The following CPA5 variants were observed in gnomAD, a reference collection of about 807,000 sequenced individuals.
CPA5 encodes testicular tissue protein Li 32.
In CPA5, 38 loss-of-function variants were observed where a neutral mutation model predicts 52.2. The ratio of observed to expected loss-of-function variants is 0.73; its 90% CI spans 0.56 to 0.95. The LOEUF is 0.95. Among genes scored for constraint, CPA5 ranks in the 40% least tolerant of loss-of-function variants. The pLI, the probability that CPA5 is intolerant of heterozygous loss-of-function variation, is 0.00. For synonymous variants in CPA5, 198 were observed against 213.7 expected (o/e 0.93, Z 0.64); for missense variants, 519 against 566.7 (o/e 0.92, Z 0.86).
intron 8 of CPA5, 112 bp from the exon 9 acceptor site, chr7:130,362,772 C>T (rs1330338403): frequency 1.4e-6 from 1 of 697,636 alleles, no homozygotes; most frequent in African/African-American, 1.8e-5. Flanking sequence ...AAAAGATATA[C>T]CTCAGGGGTT....
At position 130,367,535 on chromosome 7, in the gene CPA5, C is replaced by A. The variant is rs781804451; in HGVS notation, c.1002C>A (p.Gly334=). 6.2e-7 allele frequency: 1 copy of A among 1,614,090 alleles called. No homozygotes were observed. Residue 334 remains glycine (G), a synonymous_variant, in exon 11 of 13, where the codon GGC becomes GGA. Transcript: ENST00000474905. ...CTCAGATGCTTATGTACCCTTACGG[C>A]CGATTGCTGGAGCCCGTTTCAAATC... ...SYSQMLMYPY[G]RLLEPVSNQR...
chr7:130,349,300 G>T (rs1381925058), intron 4 of CPA5, among the ~76,000 whole-genome samples: 1 of 152,052 alleles, frequency 6.6e-6, no homozygotes, highest in Non-Finnish European at 1.5e-5. Flanking sequence ...TGGGTGTGGT[G>T]GCGTGCACCT....
At chr7:130,371,892 G>T (rs1405942151), downstream of CPA5, among the ~76,000 whole-genome samples, 7 of 152,148 alleles carry the variant, frequency 4.6e-5, no homozygotes, top group Admixed American at 3.9e-4. Context: ...CCAAGGTGCT[G>T]CCCAGTGGCC....
chr7:130,360,194 G>T (rs946322046), intron 6 of CPA5, among the ~76,000 whole-genome samples: 2 of 152,234 alleles, frequency 1.3e-5, no homozygotes, highest in Non-Finnish European at 2.9e-5. Context: ...GCCACATTTT[G>T]TGTTTCTTTC....
At chr7:130,369,171 C>T (rs1034683049), downstream of CPA5, among the ~76,000 whole-genome samples, 1 of 151,936 alleles carries the variant, frequency 6.6e-6, no homozygotes, top group Non-Finnish European at 1.5e-5. Flanking sequence ...ACCTGCTCCC[C>T]CCGAGGTGTC....
chr7:130,362,403 C>A, intron 7 of CPA5, 35 bp from the exon 8 acceptor site: 2 of 1,528,728 alleles, frequency 1.3e-6, no homozygotes, highest in South Asian at 1.1e-5. Flanking sequence ...TGTCTGAGTT[C>A]AAACCTCGGT....
At position 130,368,432 on chromosome 7, in the gene CPA5, C is replaced by T. The variant is rs781856122; in HGVS notation, c.1146C>T (p.Val382=). The T allele has an allele frequency of 1.1e-5, 18 of 1,613,950 alleles. No individual in the cohort carries two copies. Among genetic ancestry groups the T allele is most frequent in the African/African-American group, 8.0e-5 (6 of 74,904 alleles). The change falls in exon 13 of 13, where the codon GTC becomes GTT. Residue 382 remains valine, a synonymous_variant. Transcript: ENST00000474905. Reference sequence around the variant, plus strand: ...TAGATGTGGCCAGTGGGATCACCGTCGACTGGGCCTATGACAGTGGCATCA... The same window carrying T: ...TAGATGTGGCCAGTGGGATCACCGTTGACTGGGCCTATGACAGTGGCATCA... ...TTLYVASGIT[V]DWAYDSGIKY...
At chr7:130,359,116 G>A (rs1206468164) in intron 5 of CPA5, among the ~76,000 whole-genome samples, 4 of 152,188 alleles carry the variant, frequency 2.6e-5, no homozygotes, top group African/African-American at 9.7e-5. Context: ...GGGGGTCAGT[G>A]CACATGGTTC....
At chr7:130,353,039 G>C (rs1455423485) in intron 5 of CPA5, among the ~76,000 whole-genome samples, 1 of 152,006 alleles carries the variant, frequency 6.6e-6, no homozygotes, top group Non-Finnish European at 1.5e-5. Flanking sequence ...GAATACAATT[G>C]AGTGTAAATA....
rs566476492 is a variant in CPA5, at chr7:130,358,702, G to A, written c.334-887G>A. ...TCTGTGCTGAATCCTGGGGTGCCTT[G>A]GCTCCTGGATGCCATTATAAGGGCA... On this transcript the variant is annotated intron_variant, in intron 5 of 12. Transcript: ENST00000474905. 1.3e-3 allele frequency among the ~76,000 whole-genome samples: 199 copies of A among 152,266 alleles called. 1 individual carries two copies. The highest frequency in any genetic ancestry group is 4.6e-3 in the African/African-American group (190 of 41,552).
At chr7:130,353,080 A>G (rs1330702271) in intron 5 of CPA5, among the ~76,000 whole-genome samples, 1 of 151,992 alleles carries the variant, frequency 6.6e-6, no homozygotes, top group Non-Finnish European at 1.5e-5. Context: ...GCCCTAGTGG[A>G]TCACTCTCAT....
Position 130,347,771 on chromosome 7 carries a change from A to G in CPA5, c.122A>G (p.Gln41Arg). ...CCCTCCCTGTGTTTTTCTAGGGACC[A>G]GGTTCTTCGAGTCCTGGCCAAAGAT... ...ALGQMNFTGD[Q>R]VLRVLAKDEK... The change falls in exon 4 of 13, where the codon CAG becomes CGG. Residue 41 changes from glutamine (Q) to arginine (R), a missense_variant. Gln to Arg is a conservative substitution (Grantham distance 43). Transcript: ENST00000474905. 6.2e-7 allele frequency: 1 copy of G among 1,613,680 alleles called. No homozygotes were observed. Among genetic ancestry groups the G allele is most frequent in the Non-Finnish European group, 8.5e-7 (1 of 1,179,830 alleles).
chr7:130,361,546 G>A (rs1169966504), intron 7 of CPA5, among the ~76,000 whole-genome samples: 1 of 152,138 alleles, frequency 6.6e-6, no homozygotes, highest in Non-Finnish European at 1.5e-5. Flanking sequence ...GAGTGTGGGT[G>A]AGCTGGCGTT....
In CPA5 at chr7:130,360,512, C is replaced by T. The variant is rs190035750; in HGVS notation, c.433-631C>T. ...AACTCAAGGCACACGTCTCATTTTG[C>T]GTGTCAAAGGACATGACCTTCTTGA... On this transcript the variant is annotated intron_variant, in intron 6 of 12. Coordinates refer to ENST00000474905, the MANE Select transcript of CPA5 (RefSeq NM_080385.5). Among the ~76,000 whole-genome samples, 273 of 152,344 alleles carry T rather than the reference C, an allele frequency of 1.8e-3. 1 individual carries two copies. Among genetic ancestry groups the T allele is most frequent in the Admixed American group, 0.015 (225 of 15,290 alleles).
intron 5 of CPA5, among the ~76,000 whole-genome samples, chr7:130,358,699 C>T (rs1310875105): frequency 6.6e-6 from 1 of 152,176 alleles, no homozygotes; most frequent in African/African-American, 2.4e-5. Flanking sequence ...CCTGGGGTGC[C>T]TTGGCTCCTG....
intron 5 of CPA5, among the ~76,000 whole-genome samples, chr7:130,357,921 C>T (rs1795571277): frequency 6.7e-6 from 1 of 149,062 alleles, no homozygotes; most frequent in South Asian, 2.2e-4. Flanking sequence ...CAGACATAAA[C>T]ATATCTGTGT....
chr7:130,374,447 A>G, the CPA5 span, among the ~76,000 whole-genome samples: 1 of 151,948 alleles, frequency 6.6e-6, no homozygotes, highest in African/African-American at 2.4e-5. Flanking sequence ...CAGCTCTGCC[A>G]AGCTCTGCGG....
At chr7:130,353,955 C>G (rs1554404624) in intron 5 of CPA5, among the ~76,000 whole-genome samples, 1 of 152,240 alleles carries the variant, frequency 6.6e-6, no homozygotes. Context: ...CAAGATCTCA[C>G]TCTGTTGTCT....
At chr7:130,365,049 C>T (rs1158138719) in intron 10 of CPA5, among the ~76,000 whole-genome samples, 1 of 152,162 alleles carries the variant, frequency 6.6e-6, no homozygotes, top group Non-Finnish European at 1.5e-5. Flanking sequence ...AGGCTGGTGT[C>T]CCAACCAATG....
Sources: allele counts gnomAD v4.1 joint callset (sites outside exome capture counted in the v4.1 genomes callset), GRCh38; gene constraint gnomAD v4.1.1; transcripts MANE v1.5; gene names NCBI Gene and HGNC (gene_info 2026-07-23, HGNC 2026-07-21).